The following MBOAT2 variants were observed in gnomAD, a reference collection of about 807,000 sequenced individuals.
The protein encoded by MBOAT2 is membrane-bound glycerophospholipid O-acyltransferase 2.
MBOAT2 carries 28 observed loss-of-function variants against 63.4 expected under a neutral mutation model. That is an observed-to-expected ratio of 0.44 (90% CI 0.33 to 0.61). The LOEUF (loss-of-function observed/expected upper bound fraction) is 0.61. Ranked by LOEUF, MBOAT2 falls within the 20% of genes least tolerant of loss-of-function variation. The probability of loss-of-function intolerance (pLI) is 0.03; values close to 1 mark genes in which losing one functional copy is unlikely to be tolerated. For synonymous variants in MBOAT2, 211 were observed against 215.6 expected (o/e 0.98, Z 0.19); for missense variants, 470 against 605.8 (o/e 0.78, Z 2.35).
intron 4 of MBOAT2, among the ~76,000 whole-genome samples, chr2:8,904,303 GTTTTTAT>G (rs1194250800): frequency 6.8e-6 from 1 of 146,334 alleles, no homozygotes; most frequent in African/African-American, 2.7e-5. Context: ...ACTGAAGGTT[GTTTTTAT>G]TTTTTATTTT....
intron 3 of MBOAT2, among the ~76,000 whole-genome samples, chr2:8,937,795 T>C (rs1478653574): frequency 6.6e-6 from 1 of 152,114 alleles, no homozygotes; most frequent in Non-Finnish European, 1.5e-5. Flanking sequence ...TTAAGAAGTA[T>C]TTACTGAGAT....
chr2:8,999,496 A>C (rs1006135733), intron 1 of MBOAT2, among the ~76,000 whole-genome samples: 6 of 152,222 alleles, frequency 3.9e-5, no homozygotes, highest in African/African-American at 1.4e-4. Context: ...CACTCTAAAA[A>C]ATAGGTTGAT....
chr2:8,944,569 G>GT (rs1017538992), intron 2 of MBOAT2, among the ~76,000 whole-genome samples: 8 of 151,638 alleles, frequency 5.3e-5, no homozygotes, highest in African/African-American at 1.9e-4. Context: ...TTATAAACCA[G>GT]TAATAGTCTC....
intron 1 of MBOAT2, 76 bp from the exon 2 acceptor site, chr2:8,958,718 A>T: frequency 1.5e-6 from 2 of 1,367,168 alleles, no homozygotes; most frequent in Non-Finnish European, 1.9e-6. Context: ...TGAAATTCTC[A>T]GGACAAAAAC....
At chr2:8,905,990 C>T (rs918099624) in intron 4 of MBOAT2, among the ~76,000 whole-genome samples, 3 of 152,216 alleles carry the variant, frequency 2.0e-5, no homozygotes, top group Admixed American at 6.5e-5. Context: ...CAGGTTCTCA[C>T]TGTGTCACCT....
At chr2:8,958,135 C>G (rs1376027843) in intron 2 of MBOAT2, among the ~76,000 whole-genome samples, 1 of 152,172 alleles carries the variant, frequency 6.6e-6, no homozygotes, top group African/African-American at 2.4e-5. Flanking sequence ...TTAAAAGCTA[C>G]TTGCCCAGAG....
chr2:8,876,029 A>G (rs1662674333), intron 7 of MBOAT2, among the ~76,000 whole-genome samples: 1 of 152,236 alleles, frequency 6.6e-6, no homozygotes, highest in African/African-American at 2.4e-5. Context: ...TCTAAGCCCT[A>G]CATTCACAGA....
At chr2:8,925,250 G>A (rs542083314) in intron 3 of MBOAT2, among the ~76,000 whole-genome samples, 1 of 152,162 alleles carries the variant, frequency 6.6e-6, no homozygotes, top group African/African-American at 2.4e-5. Context: ...AATAAAGGGT[G>A]CTACTGTCCA....
intron 3 of MBOAT2, among the ~76,000 whole-genome samples, chr2:8,909,663 C>T (rs917644069): frequency 2.6e-5 from 4 of 152,012 alleles, no homozygotes; most frequent in Non-Finnish European, 5.9e-5. Context: ...AAACTTTTGA[C>T]AAATAGTTAA....
At chr2:8,869,529 C>A (rs993387975) in intron 8 of MBOAT2, among the ~76,000 whole-genome samples, 2 of 152,134 alleles carry the variant, frequency 1.3e-5, no homozygotes, top group Non-Finnish European at 2.9e-5. Flanking sequence ...CAAAGCCCAG[C>A]AAAATAATAT....
In MBOAT2 at chr2:8,888,143, T is replaced by TA. The variant is rs555781080; in HGVS notation, c.396-71dup. On this transcript the variant is annotated intron_variant, in intron 4 of 12. Coordinates refer to ENST00000305997, the MANE Select transcript of MBOAT2 (RefSeq NM_138799.4). ...AAAACAATACTTATGACATATGAGT[T>TA]AAGAGTTTATTCTGCTTTTATCACT... 4 of 1,394,354 alleles carry TA rather than the reference T, an allele frequency of 2.9e-6. No individual in the cohort carries two copies. In the South Asian group the frequency reaches 4.9e-5, roughly 17 times the overall value. 86.4% of individuals were successfully genotyped at this position (1,394,354 alleles called of 1,614,324 possible).
intron 1 of MBOAT2, among the ~76,000 whole-genome samples, chr2:8,987,844 A>G (rs1002728905): frequency 6.6e-6 from 1 of 152,198 alleles, no homozygotes; most frequent in East Asian, 1.9e-4. Flanking sequence ...TATATTAACA[A>G]AAGTTGTCTC....
chr2:8,874,120 T>C (rs1046425513), intron 7 of MBOAT2, among the ~76,000 whole-genome samples: 60 of 152,356 alleles, frequency 3.9e-4, no homozygotes, highest in African/African-American at 1.4e-3. Flanking sequence ...TTAACTGCAG[T>C]AATTTATCAA....
At chr2:8,878,282 T>A (rs1430844058) in intron 6 of MBOAT2, among the ~76,000 whole-genome samples, 1 of 152,168 alleles carries the variant, frequency 6.6e-6, no homozygotes, top group Non-Finnish European at 1.5e-5. Flanking sequence ...TTAGACTATT[T>A]ATGTTACCAT....
intron 4 of MBOAT2, among the ~76,000 whole-genome samples, chr2:8,891,042 T>G (rs1443469227): frequency 6.6e-6 from 1 of 152,250 alleles, no homozygotes; most frequent in African/African-American, 2.4e-5. Flanking sequence ...TTCTGTGCCT[T>G]CAGTACCTGG....
At chr2:8,889,054 G>A (rs1663781187) in intron 4 of MBOAT2, among the ~76,000 whole-genome samples, 1 of 152,140 alleles carries the variant, frequency 6.6e-6, no homozygotes, top group Non-Finnish European at 1.5e-5. Context: ...CACATGCAGA[G>A]GAGAACATGT....
Position 8,926,508 on chromosome 2 carries a change from G to A in MBOAT2, c.299+16679C>T, listed in dbSNP as rs1286886986. 2.0e-5 allele frequency among the ~76,000 whole-genome samples: 3 copies of A among 152,190 alleles called. No homozygotes were observed. In the East Asian group the frequency reaches 5.8e-4, roughly 29 times the overall value. On this transcript the variant is annotated intron_variant, in intron 3 of 12. Coordinates refer to ENST00000305997, the MANE Select transcript of MBOAT2 (RefSeq NM_138799.4). ...CAGCCAGAATTCATGTTGGGGGCAGGGGGCTCCCTGCAAATACAAAGGAAC... is the reference window on the plus strand; with the variant it reads ...CAGCCAGAATTCATGTTGGGGGCAGAGGGCTCCCTGCAAATACAAAGGAAC...
At chr2:8,897,339 C>T (rs1664564927) in intron 4 of MBOAT2, among the ~76,000 whole-genome samples, 1 of 150,634 alleles carries the variant, frequency 6.6e-6, no homozygotes, top group African/African-American at 2.5e-5. Context: ...TCTCCTTCCC[C>T]TTTGGATGGC....
At chr2:8,893,096 G>GGGGGAGGAGGCAGGGGGAGGGGGTT (rs1664138073) in intron 4 of MBOAT2, among the ~76,000 whole-genome samples, 1 of 138,768 alleles carries the variant, frequency 7.2e-6, no homozygotes, top group Non-Finnish European at 1.6e-5. Flanking sequence ...GGGAGGGGGT[G>GGGGGAGGAGGCAGGGGGAGGGGGTT]GGGGAGGAGG....
Sources: gnomAD v4.1 joint callset for allele counts (sites outside exome capture counted in the v4.1 genomes callset) on GRCh38, gnomAD v4.1.1 for gene constraint, MANE v1.5 for transcripts, NCBI Gene and HGNC (gene_info 2026-07-23, HGNC 2026-07-21) for gene names.